NDUFB2: variants seen among roughly 807,000 people sequenced by gnomAD.
NDUFB2 encodes NADH dehydrogenase [ubiquinone] 1 beta subcomplex subunit 2, mitochondrial.
Under a neutral mutation model 13.4 loss-of-function variants are expected in NDUFB2, and 13 were observed. The ratio of observed to expected loss-of-function variants is 0.97; its 90% CI spans 0.63 to 1.54. NDUFB2 has a LOEUF of 1.54. NDUFB2 is among the 40% of genes most tolerant of loss of function. NDUFB2 has a pLI of 0.00. For synonymous variants in NDUFB2, 47 were observed against 50.6 expected (o/e 0.93, Z 0.30); for missense variants, 150 against 139.7 (o/e 1.07, Z -0.37).
intron 1 of NDUFB2, chr7:140,697,504 CT>C: frequency 2.9e-6 from 2 of 681,034 alleles, no homozygotes; most frequent in Non-Finnish European, 5.3e-6. Flanking sequence ...GGGCGGAGGG[CT>C]GGGGGTGCGA....
chr7:140,706,060 T>TATGTTATGTG (rs1402496959), intron 3 of NDUFB2: 1 of 125,038 alleles, frequency 8.0e-6, no homozygotes, highest in African/African-American at 3.5e-5. Context: ...TATGTTATGT[T>TATGTTATGTG]TTATGTTATG....
At chr7:140,697,966 T>C (rs1794840336) in intron 1 of NDUFB2, 1 of 1,281,960 alleles carries the variant, frequency 7.8e-7, no homozygotes, top group Non-Finnish European at 1.0e-6. Context: ...TCCCAAAGTG[T>C]TGGGAATACA....
chr7:140,697,448 G>A (rs1476454403), intron 1 of NDUFB2: 1 of 701,472 alleles, frequency 1.4e-6, no homozygotes, highest in African/African-American at 1.7e-5. Flanking sequence ...GTTTAGGAGA[G>A]TGACAGGCAG....
chr7:140,703,326 GT>G (rs1794922677), intron 2 of NDUFB2, among the ~76,000 whole-genome samples: 1 of 148,132 alleles, frequency 6.8e-6, no homozygotes, highest in Non-Finnish European at 1.5e-5. Context: ...CCAGGCAGGA[GT>G]GCAGTGGCAC....
chr7:140,696,914 C>T (rs1794816283), intron 1 of NDUFB2, 72 bp downstream of exon 1: 1 of 1,412,164 alleles, frequency 7.1e-7, no homozygotes, highest in South Asian at 1.2e-5. Flanking sequence ...GACGCTCTCA[C>T]CTTGACTGGG....
intron 1 of NDUFB2, chr7:140,701,976 A>G (rs903849947): frequency 8.4e-5 from 58 of 689,578 alleles, no homozygotes; most frequent in Non-Finnish European, 1.3e-4. Flanking sequence ...GCTAACATGT[A>G]TCAAGAACCA....
chr7:140,704,616 G>A (rs1794940688), intron 2 of NDUFB2, among the ~76,000 whole-genome samples: 1 of 152,078 alleles, frequency 6.6e-6, no homozygotes, highest in Non-Finnish European at 1.5e-5. Flanking sequence ...TCACAGACAC[G>A]TACCATTGGC....
chr7:140,704,046 C>T (rs1358993132), intron 2 of NDUFB2, among the ~76,000 whole-genome samples: 3 of 152,202 alleles, frequency 2.0e-5, no homozygotes, highest in East Asian at 1.9e-4. Context: ...TGAGCCACTG[C>T]GCCCGGCCAG....
intron 1 of NDUFB2, 87 bp downstream of exon 1, chr7:140,696,929 C>G (rs901334962): frequency 1.6e-6 from 2 of 1,259,942 alleles, no homozygotes; most frequent in Non-Finnish European, 2.2e-6. Flanking sequence ...ACTGGGGCGC[C>G]TGAAGAGGCC....
intron 1 of NDUFB2, chr7:140,697,333 C>T (rs1439265839): frequency 2.8e-6 from 2 of 702,770 alleles, no homozygotes; most frequent in East Asian, 2.7e-5. Context: ...CTTTTTAATG[C>T]TGAAAAATCA....
intron 1 of NDUFB2, 76 bp downstream of exon 1, chr7:140,696,918 G>A (rs113951414): frequency 0.02 from 27,325 of 1,380,672 alleles, 311 homozygotes; most frequent in Non-Finnish European, 0.022. Context: ...CTCTCACCTT[G>A]ACTGGGGCGC....
chr7:140,697,137 G>A, intron 1 of NDUFB2: 1 of 589,666 alleles, frequency 1.7e-6, no homozygotes, highest in Non-Finnish European at 3.0e-6. Flanking sequence ...TGAGCCAGTC[G>A]GCGCCGGCGC....
intron 1 of NDUFB2, chr7:140,701,962 C>T: frequency 1.5e-6 from 1 of 678,344 alleles, no homozygotes. Context: ...AACAAACAGT[C>T]CTAGCTAACA....
intron 3 of NDUFB2, among the ~76,000 whole-genome samples, chr7:140,705,868 G>GTTA (rs1234087815): frequency 6.6e-6 from 1 of 152,080 alleles, no homozygotes; most frequent in Non-Finnish European, 1.5e-5. Context: ...ACAGTAAAGG[G>GTTA]TTATGGCTTT....
Position 140,704,956 on chromosome 7 carries a change from C to T in NDUFB2, c.*22C>T. 6.6e-7 allele frequency: 1 copy of T among 1,525,410 alleles called. No homozygotes were observed. The highest frequency in any genetic ancestry group is 1.7e-4 in the Middle Eastern group (1 of 5,752). 94.5% of individuals were successfully genotyped at this position (1,525,410 alleles called of 1,614,324 possible). A position where few individuals can be genotyped will look rare whatever the true frequency, so the allele number is the denominator to read the frequency against. ...CTGAAGGTGTAGACTCAGCCTCACT[C>T]TGTACAAGTGGGTGTGCTCCAAATT... On this transcript the variant is annotated 3_prime_UTR_variant, in exon 3 of 4. Coordinates refer to ENST00000247866, the MANE Select transcript of NDUFB2 (RefSeq NM_004546.3).
rs1270066105 is a variant in NDUFB2 at position 140,704,879 on chromosome 7, A to G, written c.263A>G (p.Asp88Gly). 1 of 1,600,604 alleles carries G rather than the reference A, an allele frequency of 6.2e-7. No individual in the cohort carries two copies. The highest frequency in any genetic ancestry group is 8.5e-7 in the Non-Finnish European group (1 of 1,174,710). ...CACCAGGGTCACTTTCCGTATCCTG[A>G]TCCTTCCCAGTGGACAGATGAAGAA... ...EEVLGHFPYP[D>G]PSQWTDEELG... Residue 88 changes from aspartate (D) to glycine (G), a missense_variant, in exon 3 of 4, where the codon GAT becomes GGT. Physicochemically the swap from Asp to Gly is moderately conservative, Grantham distance 94. Transcript: ENST00000247866.
chr7:140,698,250 A>G, intron 1 of NDUFB2: 2 of 1,351,652 alleles, frequency 1.5e-6, no homozygotes, highest in Non-Finnish European at 9.8e-7. Flanking sequence ...GAGATGGGGG[A>G]ATGCCGATCT....
At position 140,702,969 on chromosome 7, in the gene NDUFB2, T is replaced by C. The variant is rs749720516; in HGVS notation, c.202T>C (p.Trp68Arg). 22 of 1,613,976 alleles carry C rather than the reference T, an allele frequency of 1.4e-5. No individual in the cohort carries two copies. Among genetic ancestry groups the C allele is most frequent in the Non-Finnish European group, 1.9e-5 (22 of 1,180,052 alleles). ...SEFFSGLMWF[W>R]ILWRFWHDSE... ...GTTCTTCAGCGGACTCATGTGGTTC[T>C]GGATTCTCTGGCGCTTTTGGCATGA... The change falls in exon 2 of 4, where the codon TGG (tryptophan) becomes CGG (arginine). Residue 68 changes from tryptophan (W) to arginine (R), a missense_variant. Trp to Arg is a moderately radical substitution (Grantham distance 101, BLOSUM62 -3). Coordinates refer to ENST00000247866, the MANE Select transcript of NDUFB2 (RefSeq NM_004546.3).
intron 3 of NDUFB2, 131 bp downstream of exon 3, chr7:140,705,094 G>A (rs1794947574): frequency 7.2e-6 from 3 of 414,134 alleles, no homozygotes; most frequent in Non-Finnish European, 1.3e-5. Flanking sequence ...ACCATGTCCT[G>A]TATCTGCTTT....
Sources: gnomAD v4.1 joint callset for allele counts (sites outside exome capture counted in the v4.1 genomes callset) on GRCh38, gnomAD v4.1.1 for gene constraint, MANE v1.5 for transcripts, NCBI Gene and HGNC (gene_info 2026-07-23, HGNC 2026-07-21) for gene names.